SLFN12L: variants seen among roughly 807,000 people sequenced by gnomAD.
SLFN12L encodes schlafen family member 12 like.
A neutral mutation model predicts 34.8 loss-of-function variants in SLFN12L; 34 were observed. That is an observed-to-expected ratio of 0.98 (90% CI 0.74 to 1.30). The LOEUF is 1.30. Ranked by LOEUF, SLFN12L falls within the 50% of genes most tolerant of loss-of-function variation. The pLI is 0.00. For synonymous variants in SLFN12L, 259 were observed against 247.5 expected (o/e 1.05, Z -0.44); for missense variants, 703 against 696.2 (o/e 1.01, Z -0.11).
intron 2 of SLFN12L, among the ~76,000 whole-genome samples, chr17:35,484,972 TTC>T (rs773452325): frequency 5.3e-5 from 8 of 152,230 alleles, no homozygotes; most frequent in Non-Finnish European, 8.8e-5. Context: ...GGTGATGTGT[TTC>T]TAGGAATTTG....
chr17:35,525,992 C>T lies in SLFN12L; in HGVS notation c.-605-3023G>A, dbSNP rs570339907. Among the ~76,000 whole-genome samples, 3 of 152,096 alleles carry T rather than the reference C, an allele frequency of 2.0e-5. No individual in the cohort carries two copies. In the East Asian group the frequency reaches 5.8e-4, roughly 29 times the overall value. ...TCACGTGCAAAGACACACATAGGCT[C>T]AAAATAAAGGGATGGAGGAATATTT... is the stretch of plus-strand genomic sequence containing the variant. On this transcript the variant is annotated intron_variant, in intron 1 of 4. Transcript: ENST00000628453.
intron 2 of SLFN12L, among the ~76,000 whole-genome samples, chr17:35,517,578 C>T (rs1915871692): frequency 6.6e-6 from 1 of 152,076 alleles, no homozygotes; most frequent in Non-Finnish European, 1.5e-5. Context: ...CAAAAAAGAG[C>T]CCATATAGCC....
intron 2 of SLFN12L, 146 bp from the exon 3 acceptor site, chr17:35,480,341 T>C (rs1914278038): frequency 1.7e-6 from 1 of 571,784 alleles, no homozygotes. Context: ...TTCTAACAAA[T>C]TTTGAGCTAA....
At chr17:35,527,446 A>G (rs556358260) in intron 1 of SLFN12L, among the ~76,000 whole-genome samples, 3 of 152,310 alleles carry the variant, frequency 2.0e-5, no homozygotes, top group South Asian at 4.1e-4. Context: ...AATGCAAAAA[A>G]TCCTCAAAAA....
chr17:35,515,297 C>A, intron 2 of SLFN12L: 1 of 375,488 alleles, frequency 2.7e-6, no homozygotes, highest in Non-Finnish European at 5.0e-6. Flanking sequence ...GCGGGACAGG[C>A]ACTTGGAAAG....
rs1913728587 is a variant in SLFN12L at position 35,467,103 on chromosome 17, C to A, written c.*7820G>T. ...ACGTCCCCAGTCCTTGGTCCCTTGCCAGATGCCATAGTGCTGGAGGAGGTC... is the reference window on the plus strand; with the variant it reads ...ACGTCCCCAGTCCTTGGTCCCTTGCAAGATGCCATAGTGCTGGAGGAGGTC... On this transcript the variant is annotated 3_prime_UTR_variant, in exon 5 of 5. Coordinates refer to ENST00000628453, the MANE Select transcript of SLFN12L (RefSeq NM_001363830.2). 6.6e-6 allele frequency among the ~76,000 whole-genome samples: 1 copy of A among 152,158 alleles called. No homozygotes were observed. Among genetic ancestry groups the A allele is most frequent in the African/African-American group, 2.4e-5 (1 of 41,438 alleles).
In SLFN12L at chr17:35,490,831, C is replaced by T. The variant is rs556053257; in HGVS notation, c.87-10636G>A. On this transcript the variant is annotated intron_variant, in intron 2 of 4. Coordinates refer to ENST00000628453, the MANE Select transcript of SLFN12L (RefSeq NM_001363830.2). ...GACTCAATAAGAGAGCCTACAAATA[C>T]ATTTGGCAGGTACCCAAGGGCACAT... is the stretch of plus-strand genomic sequence containing the variant. 476 of 1,214,170 alleles carry T rather than the reference C, an allele frequency of 3.9e-4. 5 individuals carry two copies. The South Asian group carries it at 4.5e-3, about 12-fold the overall frequency. The allele number at this position is 1,214,170 out of a possible 1,614,324, so 75.2% of individuals were successfully genotyped here.
At chr17:35,512,436 G>A (rs1382235294) in intron 2 of SLFN12L, among the ~76,000 whole-genome samples, 1 of 146,648 alleles carries the variant, frequency 6.8e-6, no homozygotes, top group African/African-American at 2.6e-5. Flanking sequence ...CGTGGTCTCA[G>A]CTCACTGCAA....
intron 2 of SLFN12L, among the ~76,000 whole-genome samples, chr17:35,488,798 G>T (rs1262279055): frequency 1.3e-5 from 2 of 152,090 alleles, no homozygotes; most frequent in African/African-American, 2.4e-5. Flanking sequence ...GGCCGGGCGC[G>T]GTGGCTCAGG....
At chr17:35,530,624 T>C (rs1262251657) in intron 1 of SLFN12L, among the ~76,000 whole-genome samples, 1 of 152,054 alleles carries the variant, frequency 6.6e-6, no homozygotes, top group Non-Finnish European at 1.5e-5. Context: ...GAAATGAAGA[T>C]GGCCAAGGGA....
chr17:35,530,424 A>AGGAAGGGAAG (rs1277432365), intron 1 of SLFN12L, among the ~76,000 whole-genome samples: 1 of 6,696 alleles, frequency 1.5e-4, no homozygotes, highest in African/African-American at 3.3e-4. Flanking sequence ...GAAGGAAGGA[A>AGGAAGGGAAG]GGAAGGGAAG....
At chr17:35,513,149 T>A (rs1207318057) in intron 2 of SLFN12L, among the ~76,000 whole-genome samples, 18 of 152,164 alleles carry the variant, frequency 1.2e-4, no homozygotes, top group Admixed American at 1.2e-3. Flanking sequence ...TCATCTCCCC[T>A]GAAAATGATA....
intron 2 of SLFN12L, among the ~76,000 whole-genome samples, chr17:35,511,248 G>A (rs910394596): frequency 2.0e-5 from 3 of 152,066 alleles, no homozygotes; most frequent in Admixed American, 1.3e-4. Flanking sequence ...ACAAGATTTT[G>A]TATGATATTT....
At position 35,479,934 on chromosome 17, in the gene SLFN12L, T is replaced by A. The variant is rs889626617; in HGVS notation, c.348A>T (p.Gly116=). The A allele has an allele frequency of 6.2e-7, 1 of 1,614,046 alleles. No individual in the cohort carries two copies. Among genetic ancestry groups the A allele is most frequent in the Non-Finnish European group, 8.5e-7 (1 of 1,180,020 alleles). The change falls in exon 3 of 5, where the codon GGA becomes GGT. Residue 116 remains glycine (G), a synonymous_variant. Transcript: ENST00000628453. ...ENKGYSYKKD[G]IGLDLENSFS... Reference sequence around the variant, plus strand: ...AAGAATTTTCCAAATCTAGCCCTATTCCATCTTTTTTATAACTATAGCCTT... The same window carrying A: ...AAGAATTTTCCAAATCTAGCCCTATACCATCTTTTTTATAACTATAGCCTT...
chr17:35,524,677 A>C (rs1230639283), intron 1 of SLFN12L, among the ~76,000 whole-genome samples: 2 of 152,092 alleles, frequency 1.3e-5, no homozygotes, highest in Admixed American at 6.6e-5. Context: ...GGACTAGCAC[A>C]TCCACTCAGA....
intron 1 of SLFN12L, among the ~76,000 whole-genome samples, chr17:35,527,469 C>T (rs576609993): frequency 0.011 from 1,605 of 152,166 alleles, 36 homozygotes; most frequent in African/African-American, 0.036. Flanking sequence ...TACTGGCAAA[C>T]CGAATCCAGC....
chr17:35,482,685 G>A (rs113111482), intron 2 of SLFN12L, among the ~76,000 whole-genome samples: 9 of 152,252 alleles, frequency 5.9e-5, no homozygotes, highest in African/African-American at 1.9e-4. Flanking sequence ...CCCTGCTGTC[G>A]GTGCCCACTC....
intron 2 of SLFN12L, chr17:35,490,414 G>T (rs1389524237): frequency 4.9e-6 from 6 of 1,234,306 alleles, no homozygotes; most frequent in Non-Finnish European, 7.2e-6. Context: ...CCAGTCACCC[G>T]ATGGGGTCTT....
In SLFN12L at chr17:35,479,592, T is replaced by C. The variant is rs1914211126; in HGVS notation, c.690A>G (p.Thr230=). ...TCAATTTTTCTTTATAACCAAGTTC[T>C]GTTCTGTTAAAAAAATCAGCAGCCA... The part of the protein sequence containing the change: ...EALAADFFNR[T]ELGYKEKLTF... The change falls in exon 3 of 5, where the codon ACA becomes ACG. Residue 230 remains threonine (T), a synonymous_variant. Transcript: ENST00000628453. 2 of 1,613,136 alleles carry C rather than the reference T, an allele frequency of 1.2e-6. No individual in the cohort carries two copies. Among genetic ancestry groups the C allele is most frequent in the East Asian group, 2.2e-5 (1 of 44,888 alleles).
Sources: allele counts gnomAD v4.1 joint callset (sites outside exome capture counted in the v4.1 genomes callset), GRCh38; gene constraint gnomAD v4.1.1; transcripts MANE v1.5; gene names NCBI Gene and HGNC (gene_info 2026-07-23, HGNC 2026-07-21).